Variants in MDN1 observed in about 807,000 individuals in gnomAD.
MDN1 encodes midasin.
In MDN1, 266 loss-of-function variants were observed where a neutral mutation model predicts 669.2. That is an observed-to-expected ratio of 0.40 (90% confidence interval 0.36 to 0.44). The LOEUF (loss-of-function observed/expected upper bound fraction) is 0.44, where lower values mean the gene tolerates loss of function less well. Ranked by LOEUF, MDN1 falls within the 20% of genes least tolerant of loss-of-function variation. MDN1 has a pLI of 1.00. For missense variants in MDN1, 5,940 were observed against 6,754.0 expected, an observed-to-expected ratio of 0.88 and a Z score of 4.22; for synonymous variants, 2,385 against 2,457.1, an observed-to-expected ratio of 0.97 and a Z score of 0.87.
At position 89,784,964 on chromosome 6, in the gene MDN1, G is replaced by A. The variant is rs550736569; in HGVS notation, c.1449+48C>T. The A allele has an allele frequency of 4.9e-6, 6 of 1,229,872 alleles. No individual in the cohort carries two copies. The East Asian group carries it at 1.2e-4, about 24-fold the overall frequency. The allele number at this position is 1,229,872 out of a possible 1,614,324, so 76.2% of individuals were successfully genotyped here. A position where few individuals can be genotyped will look rare whatever the true frequency, so the allele number is the denominator to read the frequency against. Reference sequence around the variant, plus strand: ...ATTATACTATTTCCTATTTCACGCGGGAGCCACTGCACCTGGCCAGCATTG... The same window carrying A: ...ATTATACTATTTCCTATTTCACGCGAGAGCCACTGCACCTGGCCAGCATTG... On this transcript the variant is annotated intron_variant, in intron 9 of 101. Coordinates refer to ENST00000369393, the MANE Select transcript of MDN1 (RefSeq NM_014611.3).
rs192213405 is a variant in MDN1 at position 89,667,612 on chromosome 6, C to T, written c.14094+402G>A. 4.7e-3 allele frequency among the ~76,000 whole-genome samples: 713 copies of T among 152,252 alleles called. 2 individuals carry two copies. The highest frequency in any genetic ancestry group is 0.01 in the Middle Eastern group (3 of 294). ...AAGGATACAGATTTTTTAAAACACT[C>T]TATGCCTTAAAGATATACAACAGTA... On this transcript the variant is annotated intron_variant, in intron 84 of 101. Transcript: ENST00000369393.
chr6:89,779,726 T>C (rs1818559000), intron 11 of MDN1, among the ~76,000 whole-genome samples: 1 of 152,208 alleles, frequency 6.6e-6, no homozygotes, highest in Non-Finnish European at 1.5e-5. Flanking sequence ...ATGTATTACA[T>C]TCAATTAGCT....
At chr6:89,671,588 G>A (rs1468692581) in intron 82 of MDN1, among the ~76,000 whole-genome samples, 1 of 152,206 alleles carries the variant, frequency 6.6e-6, no homozygotes, top group Non-Finnish European at 1.5e-5. Flanking sequence ...GGAGGCTGAG[G>A]TGTGAGGATC....
In MDN1 at chr6:89,688,634, C is replaced by T; in HGVS notation, c.11198G>A (p.Gly3733Asp). ...CAAGTGACTGACAGCCTCTGAGAAACCTTGAAGCACAGGTTGACACTGCCG... is the reference window on the plus strand; with the variant it reads ...CAAGTGACTGACAGCCTCTGAGAAATCTTGAAGCACAGGTTGACACTGCCG... ...EARQCQPVLQ[G>D]FSEAVSHLLQ... The change falls in exon 66 of 102, where the codon GGT (glycine) becomes GAT (aspartate). Residue 3733 changes from glycine to aspartate, a missense_variant. Physicochemically the swap from Gly to Asp is moderately conservative, Grantham distance 94. Coordinates refer to ENST00000369393, the MANE Select transcript of MDN1 (RefSeq NM_014611.3). 1 of 1,614,122 alleles carries T rather than the reference C, an allele frequency of 6.2e-7. No homozygotes were observed. The highest frequency in any genetic ancestry group is 8.5e-7 in the Non-Finnish European group (1 of 1,180,032).
chr6:89,662,831 TTCTTCCTCCTCA>T lies in MDN1; in HGVS notation c.14361_14372del (p.Asp4787_Glu4790del), dbSNP rs376185382. On this transcript the variant is annotated inframe_deletion, in exon 86 of 102. Coordinates refer to ENST00000369393, the MANE Select transcript of MDN1 (RefSeq NM_014611.3). ...GTCCTGTTTCTTCAGTTTTATTGTC[TTCTTCCTCCTCA>T]TCTTCCTCCTCATCATCATCACCCC... The T allele has an allele frequency of 2.7e-3, 4,358 of 1,614,074 alleles. 8 individuals carry two copies. Among genetic ancestry groups the T allele is most frequent in the Non-Finnish European group, 3.3e-3 (3,856 of 1,179,966 alleles).
intron 90 of MDN1, 129 bp downstream of exon 90, chr6:89,658,080 G>T: frequency 1.8e-6 from 2 of 1,119,834 alleles, no homozygotes; most frequent in Non-Finnish European, 2.6e-6. Flanking sequence ...TCTGTTAGAT[G>T]TCAACAACAA....
chr6:89,649,995 C>T (rs755757540), intron 97 of MDN1, 29 bp downstream of exon 97: 1 of 1,612,158 alleles, frequency 6.2e-7, no homozygotes, highest in Non-Finnish European at 8.5e-7. Context: ...AATTTCCTAT[C>T]AAACTGCCAC....
chr6:89,644,621 C>T (rs1033654622), intron 101 of MDN1, among the ~76,000 whole-genome samples: 2 of 152,158 alleles, frequency 1.3e-5, no homozygotes, highest in African/African-American at 2.4e-5. Flanking sequence ...GCTACTGAGA[C>T]ATAAGTTAAG....
rs549598677 is a variant in MDN1, at chr6:89,662,189, T to A, written c.14463A>T (p.Ser4821=). 8.7e-6 allele frequency: 14 copies of A among 1,614,090 alleles called. No individual in the cohort carries two copies. In the South Asian group the frequency reaches 1.4e-4, roughly 16 times the overall value. Residue 4821 remains serine (S), a synonymous_variant, in exon 87 of 102, where the codon TCA becomes TCT. Transcript: ENST00000369393. ...AKDDNLDSGN[S]NKDKSQQDKK... is the part of the protein sequence containing the mutation. ...TATCTTGCTGGCTTTTATCTTTGTT[T>A]GAATTGCCACTATCCAAGTTGTCAT...
chr6:89,801,864 A>G (rs1584393817), intron 2 of MDN1, among the ~76,000 whole-genome samples: 1 of 151,854 alleles, frequency 6.6e-6, no homozygotes, highest in East Asian at 1.9e-4. Context: ...CAGGAGGCTA[A>G]GGCATGAGAA....
chr6:89,669,893 CA>C (rs1393030117), intron 83 of MDN1, among the ~76,000 whole-genome samples: 6 of 151,592 alleles, frequency 4.0e-5, no homozygotes, highest in Admixed American at 3.9e-4. Flanking sequence ...GCTGAATGAA[CA>C]AATGACTTCC....
rs1305753863 is a variant in MDN1 at position 89,732,467 on chromosome 6, A to C, written c.4942+90T>G. ...GAAATGTTCTGAGAAGTGATTCAGT[A>C]AAATAGCTGGGTCAGAGGCCTGGGC... On this transcript the variant is annotated intron_variant, in intron 34 of 101. Coordinates refer to ENST00000369393, the MANE Select transcript of MDN1 (RefSeq NM_014611.3). The C allele has an allele frequency of 1.6e-5, 17 of 1,093,876 alleles. 1 individual carries two copies. The South Asian group carries it at 2.5e-4, about 16-fold the overall frequency. The allele number at this position is 1,093,876 out of a possible 1,614,324, so 67.8% of individuals were successfully genotyped here. A position where few individuals can be genotyped will look rare whatever the true frequency, so the allele number is the denominator to read the frequency against.
chr6:89,776,517 A>G (rs563180692), intron 12 of MDN1, 83 bp downstream of exon 12: 19 of 1,013,680 alleles, frequency 1.9e-5, no homozygotes, highest in Admixed American at 7.1e-5. Flanking sequence ...AGCTGTTCCA[A>G]CTAAGGACTA....
At chr6:89,662,040 C>G in intron 87 of MDN1, 47 bp downstream of exon 87, 1 of 1,580,946 alleles carries the variant, frequency 6.3e-7, no homozygotes, top group Non-Finnish European at 8.6e-7. Context: ...AGCTCAAGAG[C>G]TCTGGCCTTG....
intron 37 of MDN1, among the ~76,000 whole-genome samples, chr6:89,726,431 T>A (rs186370033): frequency 1.6e-3 from 215 of 133,006 alleles, no homozygotes; most frequent in African/African-American, 5.7e-3. Flanking sequence ...ACCACTGCAC[T>A]CCAGCCTGGG....
In MDN1 at chr6:89,772,207, G is replaced by A. The variant is rs937580043; in HGVS notation, c.2083+366C>T. On this transcript the variant is annotated intron_variant, in intron 14 of 101. Transcript: ENST00000369393. ...AGATCACTTGAGCCTGGGAGGTCAA[G>A]GCTGCAGTGAGCTGTGAGCTGTGGG... 5.3e-5 allele frequency among the ~76,000 whole-genome samples: 8 copies of A among 152,194 alleles called. No homozygotes were observed. The East Asian group carries it at 5.8e-4, about 11-fold the overall frequency.
chr6:89,696,405 G>A lies in MDN1; in HGVS notation c.9338C>T (p.Ser3113Leu), dbSNP rs756074546. ...GATAGCCATGTTAGTCCAAAGCATC[G>A]AACTGATGTCCTGGAGCTGCTGAGT... ...ERTQQLQDIS[S>L]MLWTNMAISS... The change falls in exon 60 of 102, where the codon TCG (serine) becomes TTG (leucine). Residue 3113 changes from serine to leucine, a missense_variant. Ser to Leu is a moderately radical substitution (Grantham distance 145). This residue lies in a region of MDN1 where 2,292 missense variants were observed against 2,638.3 expected (regional missense o/e 0.87). Transcript: ENST00000369393. 9.9e-6 allele frequency: 16 copies of A among 1,613,990 alleles called. No homozygotes were observed. Among genetic ancestry groups the A allele is most frequent in the African/African-American group, 5.3e-5 (4 of 74,906 alleles).
At chr6:89,645,192 A>G (rs1336053681) in intron 100 of MDN1, 35 bp from the exon 101 acceptor site, 3 of 1,562,414 alleles carry the variant, frequency 1.9e-6, no homozygotes, top group Non-Finnish European at 2.6e-6. Context: ...AGGGAATAAA[A>G]TGAACAGCCA....
intron 15 of MDN1, among the ~76,000 whole-genome samples, chr6:89,764,911 A>T (rs1336283695): frequency 6.6e-6 from 1 of 152,192 alleles, no homozygotes; most frequent in Admixed American, 6.5e-5. Context: ...GAACCTGAGG[A>T]AGAGAGTGAG....
Sources: gnomAD v4.1 joint callset for allele counts (sites outside exome capture counted in the v4.1 genomes callset) on GRCh38, gnomAD v4.1.1 for gene constraint, gnomAD v4.1.1 regional missense constraint, MANE v1.5 for transcripts, NCBI Gene and HGNC (gene_info 2026-07-23, HGNC 2026-07-21) for gene names.